The following THBS3 variants were observed in gnomAD, a reference collection of about 807,000 sequenced individuals.
THBS3 encodes the protein thrombospondin-3.
Under a neutral mutation model 118.3 loss-of-function variants are expected in THBS3, and 78 were observed. The observed-to-expected ratio is 0.66, with a 90% CI of 0.55 to 0.80. The LOEUF (loss-of-function observed/expected upper bound fraction) is 0.80, where lower values mean the gene tolerates loss of function less well. Among genes scored for constraint, THBS3 ranks in the 30% least tolerant of loss-of-function variants. The pLI is 0.00. For synonymous variants in THBS3, 427 were observed against 475.3 expected (o/e 0.90, Z 1.32); for missense variants, 1,057 against 1,247.4 (o/e 0.85, Z 2.30).
At position 155,202,984 on chromosome 1, in the gene THBS3, C is replaced by G; in HGVS notation, c.809-24G>C. On this transcript the variant is annotated intron_variant, in intron 7 of 22. Coordinates refer to ENST00000368378, the MANE Select transcript of THBS3 (RefSeq NM_007112.5). The surrounding 1 kb of genome is among the most constrained non-coding windows in gnomAD (Gnocchi z 5.5). ...GCCTGAGGGGTGGACACAGTCAGAG[C>G]TACCCGGTGGTCACTATTTAAGCCA... 6.2e-7 allele frequency: 1 copy of G among 1,613,760 alleles called. No individual in the cohort carries two copies. The highest frequency in any genetic ancestry group is 8.5e-7 in the Non-Finnish European group (1 of 1,179,874).
rs550930606 is a variant in THBS3 at position 155,198,412 on chromosome 1, C to T, written c.2071G>A (p.Asp691Asn). The T allele has an allele frequency of 1.9e-6, 3 of 1,613,732 alleles. 1 individual carries two copies. Among genetic ancestry groups the T allele is most frequent in the Admixed American group, 3.3e-5 (2 of 60,016 alleles). The change falls in exon 17 of 23, where the codon GAT becomes AAT. Residue 691 changes from aspartate to asparagine, a missense_variant. Physicochemically the swap from Asp to Asn is conservative, Grantham distance 23. Coordinates refer to ENST00000368378, the MANE Select transcript of THBS3 (RefSeq NM_007112.5). ...LVPNPNQKDS[D>N]GNGVGDVCED... ...TGCTCTGGGTCCGCAGGCTTACCAT[C>T]TGAGTCCTTCTGATTGGGATTGGGT...
intron 4 of THBS3, among the ~76,000 whole-genome samples, chr1:155,203,992 C>T (rs949422200): frequency 1.3e-5 from 2 of 152,086 alleles, no homozygotes; most frequent in Non-Finnish European, 2.9e-5. Flanking sequence ...TGCCCACCAC[C>T]ATGCCCAGCT....
At chr1:155,204,265 C>T (rs1362798385) in intron 4 of THBS3, among the ~76,000 whole-genome samples, 1 of 152,156 alleles carries the variant, frequency 6.6e-6, no homozygotes, top group South Asian at 2.1e-4. Flanking sequence ...AGAGAAATTG[C>T]TGGTGACAGC....
At position 155,199,789 on chromosome 1, in the gene THBS3, T is replaced by G; in HGVS notation, c.1880+15A>C. The G allele has an allele frequency of 1.9e-6, 3 of 1,614,076 alleles. No homozygotes were observed. The highest frequency in any genetic ancestry group is 2.5e-6 in the Non-Finnish European group (3 of 1,179,996). On this transcript the variant is annotated intron_variant, in intron 16 of 22. Transcript: ENST00000368378. ...AAAAAAAGAAAGACCTTGCGTCTCT[T>G]GACCAAGACCTTACCTGTCTTCATT...
rs1470768531 is a variant in THBS3 at position 155,197,007 on chromosome 1, G to A, written c.2672+34C>T. 6.2e-7 allele frequency: 1 copy of A among 1,600,878 alleles called. No individual in the cohort carries two copies. Among genetic ancestry groups the A allele is most frequent in the South Asian group, 1.1e-5 (1 of 90,404 alleles). On this transcript the variant is annotated intron_variant, in intron 21 of 22. Transcript: ENST00000368378. The surrounding 1 kb of genome is among the most constrained non-coding windows in gnomAD (Gnocchi z 5.0). The stretch of plus-strand genomic sequence containing the variant: ...TAAAGAGGAAGGACAGGCCCGGCCT[G>A]AGTCCCACAGGTGGGCTCAGCCCCT...
chr1:155,206,419 G>A lies in THBS3; in HGVS notation c.80-13C>T, dbSNP rs1263497177. The A allele has an allele frequency of 6.2e-7, 1 of 1,612,882 alleles. No homozygotes were observed. The highest frequency in any genetic ancestry group is 1.7e-5 in the Admixed American group (1 of 59,982). ...AGCAGGTCAATTACTGGTCAGGCAG[G>A]GGTTATCAAGGTTAGAGAATGGGAT... On this transcript the variant is annotated splice_polypyrimidine_tract_variant and intron_variant, in intron 1 of 22. Transcript: ENST00000368378. The surrounding 1 kb of genome is among the most constrained non-coding windows in gnomAD (Gnocchi z 4.2).
intron 2 of THBS3, 173 bp from the exon 3 acceptor site, chr1:155,205,489 C>T: frequency 1.0e-6 from 1 of 959,938 alleles, no homozygotes; most frequent in Non-Finnish European, 1.5e-6. Context: ...TTTGAAATTG[C>T]TTTAGAGGCC....
rs770381151 is a variant in THBS3, at chr1:155,202,450, C to T, written c.958-49G>A. ...AGGTCAGGCCGCCCTCTGGGAAACT[C>T]AGGTCCCTGCCTGTGATCCAGGAAC... On this transcript the variant is annotated intron_variant, in intron 8 of 22. Transcript: ENST00000368378. This position sits in a 1 kb window ranked among gnomAD's most constrained non-coding sequence, Gnocchi z 5.5. 1.9e-6 allele frequency: 3 copies of T among 1,599,858 alleles called. No individual in the cohort carries two copies. Among genetic ancestry groups the T allele is most frequent in the Non-Finnish European group, 2.6e-6 (3 of 1,173,426 alleles).
chr1:155,202,163 C>A lies in THBS3; in HGVS notation c.1098+98G>T. 2.5e-6 allele frequency: 4 copies of A among 1,595,906 alleles called. No individual in the cohort carries two copies. The South Asian group carries it at 4.5e-5, about 18-fold the overall frequency. On this transcript the variant is annotated intron_variant, in intron 9 of 22. Transcript: ENST00000368378. This position sits in a 1 kb window ranked among gnomAD's most constrained non-coding sequence, Gnocchi z 5.5. ...AGACCCAAAGCCGATGCAAAGCCAT[C>A]CATGTCCCATTCATCACAAGGGTCC...
At chr1:155,203,956 G>A (rs551128992) in intron 4 of THBS3, among the ~76,000 whole-genome samples, 6 of 151,772 alleles carry the variant, frequency 4.0e-5, no homozygotes, top group East Asian at 3.9e-4. Flanking sequence ...TCCTGCCTCC[G>A]CCTCCCAAGT....
At chr1:155,208,996 G>C (rs752653129), upstream of THBS3, 20 of 1,597,388 alleles carry the variant, frequency 1.3e-5, no homozygotes, top group South Asian at 2.1e-4. Context: ...GTGACTCTCC[G>C]AGGCGCGCCG....
upstream of THBS3, chr1:155,209,068 CG>C: frequency 7.8e-6 from 12 of 1,538,598 alleles, no homozygotes; most frequent in Non-Finnish European, 9.6e-6. Context: ...CGCCCTCCCC[CG>C]AGGCCCGCGG....
chr1:155,207,727 C>T, intron 1 of THBS3, 71 bp downstream of exon 1: 1 of 1,519,956 alleles, frequency 6.6e-7, no homozygotes. Flanking sequence ...CCCACATGTT[C>T]TCTGCTACTT....
rs539522754 is a variant in THBS3 at position 155,196,301 on chromosome 1, A to C, written c.2673-175T>G. 105 of 741,152 alleles carry C rather than the reference A, an allele frequency of 1.4e-4. No homozygotes were observed. The African/African-American group carries it at 1.8e-3, about 12-fold the overall frequency. The allele number at this position is 741,152 out of a possible 1,614,324, so 45.9% of individuals were successfully genotyped here. A position where few individuals can be genotyped will look rare whatever the true frequency, so the allele number is the denominator to read the frequency against. Reference sequence around the variant, plus strand: ...GAGAGGGAAGGGGGGTGCTTTTCTCAGGCCTGGGGCCCCTAGCTCTTTGTC... The same window carrying C: ...GAGAGGGAAGGGGGGTGCTTTTCTCCGGCCTGGGGCCCCTAGCTCTTTGTC... On this transcript the variant is annotated intron_variant, in intron 21 of 22. Transcript: ENST00000368378.
chr1:155,202,293 C>T lies in THBS3; in HGVS notation c.1066G>A (p.Val356Met). The change falls in exon 9 of 23, where the codon GTG becomes ATG. Residue 356 changes from valine (V) to methionine (M), a missense_variant. Transcript: ENST00000368378. This position sits in a 1 kb window ranked among gnomAD's most constrained non-coding sequence, Gnocchi z 5.5. ...CTGGCCCGGGCATAGTCAATGCCCA[C>T]ACCAGACACCTGTGTGCCCTTGTAC... is the stretch of plus-strand genomic sequence containing the variant. ...RGYKGTQVSG[V>M]GIDYARASKQ... 6.2e-7 allele frequency: 1 copy of T among 1,614,132 alleles called. No individual in the cohort carries two copies. The highest frequency in any genetic ancestry group is 8.5e-7 in the Non-Finnish European group (1 of 1,180,032).
chr1:155,199,058 C>T (rs2974937), intron 16 of THBS3, among the ~76,000 whole-genome samples: 88,262 of 150,124 alleles, frequency 0.59, 26,091 homozygotes, highest in East Asian at 0.78. Context: ...AGGTGGAGGT[C>T]GCAGTGAGCC....
At position 155,197,604 on chromosome 1, in the gene THBS3, C is replaced by T. The variant is rs1276424521; in HGVS notation, c.2358G>A (p.Val786=). The T allele has an allele frequency of 3.1e-6, 5 of 1,612,914 alleles. No individual in the cohort carries two copies. In the African/African-American group the frequency reaches 6.7e-5, roughly 22 times the overall value. ...DFEGTFHVNT[V]TDDDYAGFLF... ...GAAAGCCTGCGTAGTCATCATCAGT[C>T]ACTGTGTTCACATGGAAGGTGCCTT... Residue 786 remains valine, a synonymous_variant, in exon 20 of 23, where the codon GTG becomes GTA. Transcript: ENST00000368378. This position sits in a 1 kb window ranked among gnomAD's most constrained non-coding sequence, Gnocchi z 5.0.
chr1:155,202,450 C>G lies in THBS3; in HGVS notation c.958-49G>C. 1 of 1,599,858 alleles carries G rather than the reference C, an allele frequency of 6.3e-7. No individual in the cohort carries two copies. The highest frequency in any genetic ancestry group is 8.5e-7 in the Non-Finnish European group (1 of 1,173,426). ...AGGTCAGGCCGCCCTCTGGGAAACT[C>G]AGGTCCCTGCCTGTGATCCAGGAAC... On this transcript the variant is annotated intron_variant, in intron 8 of 22. Transcript: ENST00000368378. This position sits in a 1 kb window ranked among gnomAD's most constrained non-coding sequence, Gnocchi z 5.5.
intron 10 of THBS3, 32 bp downstream of exon 10, chr1:155,201,925 A>G: frequency 5.6e-6 from 9 of 1,613,172 alleles, no homozygotes; most frequent in Non-Finnish European, 7.6e-6. Flanking sequence ...CATTCCCACC[A>G]CCCCAGAATA....
Sources: gnomAD v4.1 joint callset for allele counts (sites outside exome capture counted in the v4.1 genomes callset) on GRCh38, gnomAD v4.1.1 for gene constraint, Gnocchi (gnomAD v3.1) non-coding constraint, MANE v1.5 for transcripts, NCBI Gene and HGNC (gene_info 2026-07-23, HGNC 2026-07-21) for gene names.